LRRTM4: variants seen among roughly 807,000 people sequenced by gnomAD.
The protein encoded by LRRTM4 is leucine-rich repeat transmembrane neuronal protein 4.
A neutral mutation model predicts 47.6 loss-of-function variants in LRRTM4; 25 were observed. The ratio of observed to expected loss-of-function variants is 0.53; its 90% CI spans 0.38 to 0.73. LRRTM4 has a LOEUF of 0.73. Among genes scored for constraint, LRRTM4 ranks in the 30% least tolerant of loss-of-function variants. The pLI is 0.00. For missense variants in LRRTM4, 638 were observed against 713.4 expected (o/e 0.89, Z 1.20); for synonymous variants, 311 against 269.5 (o/e 1.15, Z -1.51).
intron 3 of LRRTM4, among the ~76,000 whole-genome samples, chr2:77,008,464 A>G (rs1224102855): frequency 6.6e-6 from 1 of 152,206 alleles, no homozygotes; most frequent in Non-Finnish European, 1.5e-5. Context: ...ATAACTGTAG[A>G]TAGTCTGATT....
intron 3 of LRRTM4, among the ~76,000 whole-genome samples, chr2:77,478,874 G>T (rs1289882539): frequency 6.6e-6 from 1 of 152,120 alleles, no homozygotes; most frequent in African/African-American, 2.4e-5. Flanking sequence ...TGATCTTTCT[G>T]TAATTCAGTT....
At chr2:76,840,057 C>A (rs2103928225) in intron 3 of LRRTM4, among the ~76,000 whole-genome samples, 1 of 152,190 alleles carries the variant, frequency 6.6e-6, no homozygotes, top group South Asian at 2.1e-4. Flanking sequence ...AGAAAAGCCT[C>A]CTTTAGCTTT....
At chr2:76,769,810 T>A (rs1047519950) in intron 3 of LRRTM4, among the ~76,000 whole-genome samples, 5 of 152,194 alleles carry the variant, frequency 3.3e-5, no homozygotes, top group Non-Finnish European at 7.3e-5. Flanking sequence ...ATTGTATTTT[T>A]CATAGGAAAA....
intron 3 of LRRTM4, among the ~76,000 whole-genome samples, chr2:76,974,145 T>C (rs543030163): frequency 1.5e-4 from 21 of 139,170 alleles, no homozygotes; most frequent in East Asian, 1.1e-3. Flanking sequence ...TATATACATA[T>C]ATATACATAC....
At chr2:77,031,685 G>A (rs1362298897) in intron 3 of LRRTM4, among the ~76,000 whole-genome samples, 3 of 152,084 alleles carry the variant, frequency 2.0e-5, no homozygotes, top group Non-Finnish European at 1.5e-5. Context: ...ACACCCAAAT[G>A]AACGTCTCCA....
intron 3 of LRRTM4, among the ~76,000 whole-genome samples, chr2:77,030,528 T>C (rs1007280957): frequency 6.6e-6 from 1 of 152,180 alleles, no homozygotes; most frequent in African/African-American, 2.4e-5. Flanking sequence ...ACCTTAAAGA[T>C]AGTGAATATA....
intron 3 of LRRTM4, among the ~76,000 whole-genome samples, chr2:77,289,795 ATTTG>A (rs1199613164): frequency 6.6e-6 from 1 of 152,062 alleles, no homozygotes; most frequent in East Asian, 1.9e-4. Flanking sequence ...GACGTGAAAT[ATTTG>A]TTTAATATGA....
At chr2:77,223,344 G>C (rs879521114) in intron 3 of LRRTM4, among the ~76,000 whole-genome samples, 19 of 152,104 alleles carry the variant, frequency 1.2e-4, no homozygotes, top group Non-Finnish European at 2.6e-4. Context: ...ACATAGTGTT[G>C]GACATTCTGG....
chr2:77,001,730 G>T (rs114744176), intron 3 of LRRTM4, among the ~76,000 whole-genome samples: 1 of 152,114 alleles, frequency 6.6e-6, no homozygotes, highest in Non-Finnish European at 1.5e-5. Flanking sequence ...GAAGGACAAA[G>T]AATTTTCCAC....
intron 3 of LRRTM4, among the ~76,000 whole-genome samples, chr2:77,177,596 C>A (rs192086967): frequency 3.3e-5 from 5 of 152,286 alleles, no homozygotes; most frequent in Admixed American, 2.6e-4. Context: ...TACCCATAGT[C>A]ATGAAGAGGT....
chr2:76,966,357 G>A (rs1425675154), intron 3 of LRRTM4, among the ~76,000 whole-genome samples: 1 of 151,340 alleles, frequency 6.6e-6, no homozygotes, highest in Non-Finnish European at 1.5e-5. Context: ...AAGAGAGACA[G>A]CAAGAAGGGG....
intron 3 of LRRTM4, among the ~76,000 whole-genome samples, chr2:76,936,407 G>C (rs1281574353): frequency 1.3e-5 from 2 of 151,192 alleles, no homozygotes; most frequent in Non-Finnish European, 2.9e-5. Context: ...TGCACACAGG[G>C]AGGGGAACAT....
chr2:76,841,112 C>T (rs1671662506), intron 3 of LRRTM4, among the ~76,000 whole-genome samples: 1 of 150,580 alleles, frequency 6.6e-6, no homozygotes. Flanking sequence ...ATGATGAGTT[C>T]ATGTCCTTTG....
At chr2:77,191,163 A>G (rs937165875) in intron 3 of LRRTM4, among the ~76,000 whole-genome samples, 5 of 152,142 alleles carry the variant, frequency 3.3e-5, no homozygotes, top group African/African-American at 9.6e-5. Flanking sequence ...AAATGTACAC[A>G]TAGGACATAT....
At chr2:77,452,432 A>G (rs1393140426) in intron 3 of LRRTM4, among the ~76,000 whole-genome samples, 1 of 152,178 alleles carries the variant, frequency 6.6e-6, no homozygotes, top group African/African-American at 2.4e-5. Context: ...CGCTTTAATA[A>G]CATTTCTAAC....
intron 3 of LRRTM4, among the ~76,000 whole-genome samples, chr2:77,499,288 C>G (rs1194606761): frequency 6.6e-6 from 1 of 151,904 alleles, no homozygotes; most frequent in Non-Finnish European, 1.5e-5. Context: ...TTAATAGATG[C>G]TTTCCTAGTT....
chr2:77,161,610 G>T (rs1159775826), intron 3 of LRRTM4, among the ~76,000 whole-genome samples: 1 of 151,802 alleles, frequency 6.6e-6, no homozygotes, highest in East Asian at 1.9e-4. Flanking sequence ...TTTTCAAATT[G>T]TTGCCAATCT....
Position 77,460,025 on chromosome 2 carries a change from C to T in LRRTM4, c.1551+58293G>A, listed in dbSNP as rs1676724596. 2.0e-5 allele frequency among the ~76,000 whole-genome samples: 3 copies of T among 151,788 alleles called. No homozygotes were observed. The South Asian group carries it at 6.3e-4, about 32-fold the overall frequency. On this transcript the variant is annotated intron_variant, in intron 3 of 3. Coordinates refer to ENST00000409884, the MANE Select transcript of LRRTM4 (RefSeq NM_001134745.3). ...TGATAATCTTCAAATTACTACGTTT[C>T]TCTTTCCACTTGAGTGAACTAATTG...
At chr2:76,864,512 C>T (rs1185987423) in intron 3 of LRRTM4, among the ~76,000 whole-genome samples, 1 of 151,920 alleles carries the variant, frequency 6.6e-6, no homozygotes, top group Non-Finnish European at 1.5e-5. Context: ...ACAAAATTAG[C>T]TTGGCGTGGT....
Sources: gnomAD v4.1 joint callset for allele counts (sites outside exome capture counted in the v4.1 genomes callset) on GRCh38, gnomAD v4.1.1 for gene constraint, MANE v1.5 for transcripts, NCBI Gene and HGNC (gene_info 2026-07-23, HGNC 2026-07-21) for gene names.